Variants in KIF6 observed in about 807,000 individuals in gnomAD.
KIF6 encodes the protein kinesin-like protein KIF6.
In KIF6, 106 loss-of-function variants were observed where a neutral mutation model predicts 112.7. That is an observed-to-expected ratio of 0.94 (90% CI 0.80 to 1.11). The LOEUF (loss-of-function observed/expected upper bound fraction) is 1.11. Ranked by LOEUF, KIF6 falls within the 50% of genes least tolerant of loss-of-function variation. The probability of loss-of-function intolerance (pLI) is 0.00; values close to 1 mark genes in which losing one functional copy is unlikely to be tolerated. For missense variants in KIF6, 929 were observed against 964.0 expected, an observed-to-expected ratio of 0.96 and a Z score of 0.48; for synonymous variants, 339 against 339.9, an observed-to-expected ratio of 1.00 and a Z score of 0.03.
In KIF6 at chr6:39,357,288, G is replaced by C; in HGVS notation, c.2169C>G (p.Leu723=). 3.7e-6 allele frequency: 6 copies of C among 1,611,346 alleles called. No homozygotes were observed. Among genetic ancestry groups the C allele is most frequent in the Non-Finnish European group, 5.1e-6 (6 of 1,177,930 alleles). Residue 723 remains leucine (L), a synonymous_variant, in exon 19 of 23, where the codon CTC becomes CTG. Coordinates refer to ENST00000287152, the MANE Select transcript of KIF6 (RefSeq NM_145027.6). ...SDSQHEWSQL[L]SNKSSGGWEV... ...AGTTCTCACCTTACCTTTTGTTAGAGAGGAGTTGGGACCATTCATGCTGGG... is the reference window on the plus strand; with the variant it reads ...AGTTCTCACCTTACCTTTTGTTAGACAGGAGTTGGGACCATTCATGCTGGG...
intron 2 of KIF6, among the ~76,000 whole-genome samples, chr6:39,719,183 G>T (rs571935852): frequency 3.3e-5 from 5 of 152,156 alleles, no homozygotes; most frequent in Admixed American, 3.3e-4. Flanking sequence ...GCTGGGCATG[G>T]TAGCAGGTGC....
intron 3 of KIF6, among the ~76,000 whole-genome samples, chr6:39,700,394 T>C (rs1788814032): frequency 6.6e-6 from 1 of 152,232 alleles, no homozygotes; most frequent in African/African-American, 2.4e-5. Context: ...TTTTAGTATG[T>C]TCAAGCTGAT....
intron 20 of KIF6, among the ~76,000 whole-genome samples, chr6:39,346,086 C>CTCTCT (rs1326236666): frequency 0.061 from 1,639 of 26,916 alleles, 237 homozygotes; most frequent in East Asian, 0.21. Context: ...CTCTCTCTCT[C>CTCTCT]CCCCCCCTCT....
At chr6:39,409,623 A>G (rs1196756516) in intron 15 of KIF6, among the ~76,000 whole-genome samples, 1 of 152,226 alleles carries the variant, frequency 6.6e-6, no homozygotes, top group Non-Finnish European at 1.5e-5. Context: ...GGCTTCAATA[A>G]GTTCTGGTGC....
intron 13 of KIF6, among the ~76,000 whole-genome samples, chr6:39,478,700 ATTTTTTT>A (rs796482220): frequency 1.3e-4 from 14 of 106,134 alleles, no homozygotes; most frequent in Non-Finnish European, 8.6e-5. Flanking sequence ...GACAACATCT[ATTTTTTT>A]TTTTTTTTTT....
intron 16 of KIF6, among the ~76,000 whole-genome samples, chr6:39,373,012 C>T (rs926757001): frequency 4.6e-5 from 7 of 152,108 alleles, no homozygotes; most frequent in Non-Finnish European, 1.0e-4. Context: ...CTTTCTTGGT[C>T]CGAGATTTGC....
chr6:39,567,876 G>A (rs1054586957), intron 10 of KIF6, among the ~76,000 whole-genome samples: 1 of 152,148 alleles, frequency 6.6e-6, no homozygotes, highest in Non-Finnish European at 1.5e-5. Flanking sequence ...CAAAGTGCTG[G>A]GATTACAGGT....
At chr6:39,706,714 T>C (rs903679676) in intron 3 of KIF6, among the ~76,000 whole-genome samples, 2 of 152,180 alleles carry the variant, frequency 1.3e-5, no homozygotes, top group African/African-American at 4.8e-5. Flanking sequence ...GGCCAGAAGT[T>C]GAACAGATTT....
intron 13 of KIF6, among the ~76,000 whole-genome samples, chr6:39,468,408 A>T (rs1395233111): frequency 2.0e-5 from 3 of 152,194 alleles, no homozygotes; most frequent in Non-Finnish European, 4.4e-5. Flanking sequence ...ATACAAAGAG[A>T]TCCAGACCTA....
intron 13 of KIF6, among the ~76,000 whole-genome samples, chr6:39,478,293 T>C (rs965603942): frequency 5.3e-5 from 8 of 152,216 alleles, no homozygotes; most frequent in Non-Finnish European, 1.0e-4. Context: ...GAACATATGA[T>C]GTTTGGTCTT....
chr6:39,721,950 C>G (rs1307986168), intron 1 of KIF6, among the ~76,000 whole-genome samples: 1 of 151,854 alleles, frequency 6.6e-6, no homozygotes, highest in African/African-American at 2.4e-5. Flanking sequence ...AAAAGCCTAC[C>G]TAAATCTCCA....
chr6:39,502,895 G>A (rs939587214), intron 13 of KIF6, among the ~76,000 whole-genome samples: 7 of 152,120 alleles, frequency 4.6e-5, no homozygotes, highest in Admixed American at 6.5e-5. Flanking sequence ...AATAGTAGGG[G>A]GAGACTGTAA....
intron 5 of KIF6, among the ~76,000 whole-genome samples, chr6:39,626,319 C>G (rs926240956): frequency 3.9e-5 from 6 of 152,130 alleles, no homozygotes; most frequent in Admixed American, 3.9e-4. Flanking sequence ...CTGAAATGGA[C>G]AAGCTTTGGC....
At chr6:39,531,094 C>T (rs1489652081) in intron 13 of KIF6, among the ~76,000 whole-genome samples, 1 of 152,068 alleles carries the variant, frequency 6.6e-6, no homozygotes, top group Non-Finnish European at 1.5e-5. Context: ...CATTTGTGAG[C>T]CTACCTCTGC....
At chr6:39,532,043 A>G (rs1778096863) in intron 13 of KIF6, among the ~76,000 whole-genome samples, 1 of 151,934 alleles carries the variant, frequency 6.6e-6, no homozygotes, top group Non-Finnish European at 1.5e-5. Context: ...TTCTAGCCAC[A>G]TTTCTACCTT....
chr6:39,493,556 T>C (rs1302496457), intron 13 of KIF6, among the ~76,000 whole-genome samples: 1 of 152,210 alleles, frequency 6.6e-6, no homozygotes, highest in Non-Finnish European at 1.5e-5. Context: ...AGTCCCTTCT[T>C]AGTAGTTCTA....
Position 39,544,584 on chromosome 6 carries a change from T to C in KIF6, c.1397A>G (p.Asp466Gly), listed in dbSNP as rs1778968110. The C allele has an allele frequency of 1.9e-6, 3 of 1,612,700 alleles. No individual in the cohort carries two copies. Among genetic ancestry groups the C allele is most frequent in the Non-Finnish European group, 2.5e-6 (3 of 1,179,034 alleles). The change falls in exon 12 of 23, where the codon GAT becomes GGT. Residue 466 changes from aspartate to glycine, a missense_variant. Coordinates refer to ENST00000287152, the MANE Select transcript of KIF6 (RefSeq NM_145027.6). ...LKEEEYRKLRDILKQRDNEIN... is the reference protein window; with the variant it reads ...LKEEEYRKLRGILKQRDNEIN... ...TTCGTTATCTCTCTGTTTCAGAATA[T>C]CTCGTAGCTTTCTATATTCTTCTTC...
intron 13 of KIF6, among the ~76,000 whole-genome samples, chr6:39,497,003 A>G (rs534345200): frequency 6.6e-6 from 1 of 152,344 alleles, no homozygotes; most frequent in East Asian, 1.9e-4. Flanking sequence ...ACAACTTTAT[A>G]TTTAGGTGCC....
chr6:39,550,825 G>T (rs928275973), intron 10 of KIF6, among the ~76,000 whole-genome samples: 1 of 152,184 alleles, frequency 6.6e-6, no homozygotes, highest in African/African-American at 2.4e-5. Flanking sequence ...TCTCTGACAG[G>T]GTTAAACATG....
Sources: gnomAD v4.1 joint callset for allele counts (sites outside exome capture counted in the v4.1 genomes callset) on GRCh38, gnomAD v4.1.1 for gene constraint, MANE v1.5 for transcripts, NCBI Gene and HGNC (gene_info 2026-07-23, HGNC 2026-07-21) for gene names.